Variants in RIMS2 observed in about 807,000 individuals in gnomAD.
The protein encoded by RIMS2 is regulating synaptic membrane exocytosis protein 2.
A neutral mutation model predicts 174.4 loss-of-function variants in RIMS2; 59 were observed. The ratio of observed to expected loss-of-function variants is 0.34; its 90% confidence interval spans 0.27 to 0.42. RIMS2 has a LOEUF of 0.42. RIMS2 is among the 10% of genes least tolerant of loss of function. The pLI is 1.00. For synonymous variants in RIMS2, 606 were observed against 572.5 expected, an observed-to-expected ratio of 1.06 and a Z score of -0.84; for missense variants, 1,620 against 1,666.3, an observed-to-expected ratio of 0.97 and a Z score of 0.48.
chr8:103,559,504 G>A, intron 1 of RIMS2: 1 of 265,284 alleles, frequency 3.8e-6, no homozygotes, highest in Non-Finnish European at 7.2e-6. Context: ...CTGTGAGAAG[G>A]GAGCAGGACT....
At chr8:103,618,233 A>T (rs960564638) in intron 1 of RIMS2, among the ~76,000 whole-genome samples, 2 of 152,150 alleles carry the variant, frequency 1.3e-5, no homozygotes, top group African/African-American at 4.8e-5. Context: ...CAGAAAGCCA[A>T]ATACCACATA....
intron 19 of RIMS2, 87 bp downstream of exon 22, chr8:104,041,445 T>C: frequency 1.6e-6 from 1 of 614,974 alleles, no homozygotes; most frequent in Non-Finnish European, 3.0e-6. Context: ...CATTTCATAG[T>C]TTTTCATTCC....
intron 19 of RIMS2, among the ~76,000 whole-genome samples, chr8:104,127,971 G>A (rs1464683705): frequency 2.0e-5 from 3 of 152,082 alleles, no homozygotes. Flanking sequence ...CTCAAGAATT[G>A]CTTCATCAGA....
chr8:103,853,691 G>C (rs947315824), intron 3 of RIMS2, among the ~76,000 whole-genome samples: 3 of 152,096 alleles, frequency 2.0e-5, no homozygotes, highest in Admixed American at 6.6e-5. Context: ...ACAGATGGTT[G>C]TAAGTATGAG....
chr8:103,580,042 C>A (rs1043677101), intron 1 of RIMS2, among the ~76,000 whole-genome samples: 2 of 152,142 alleles, frequency 1.3e-5, no homozygotes, highest in African/African-American at 2.4e-5. Flanking sequence ...TCCTCCAACA[C>A]TGAGAATTAC....
intron 19 of RIMS2, among the ~76,000 whole-genome samples, chr8:104,197,486 A>C (rs2099031098): frequency 6.6e-6 from 1 of 152,160 alleles, no homozygotes; most frequent in Non-Finnish European, 1.5e-5. Flanking sequence ...CAACATAAGC[A>C]ATTTTATTGG....
intron 19 of RIMS2, among the ~76,000 whole-genome samples, chr8:104,084,937 T>G (rs1333801158): frequency 6.6e-6 from 1 of 152,206 alleles, no homozygotes; most frequent in Non-Finnish European, 1.5e-5. Flanking sequence ...TTTCAGCTCT[T>G]AATCCCTTGG....
intron 2 of RIMS2, among the ~76,000 whole-genome samples, chr8:103,698,418 TG>T (rs1409524020): frequency 6.6e-6 from 1 of 152,206 alleles, no homozygotes; most frequent in Non-Finnish European, 1.5e-5. Context: ...CTGAGTTTGT[TG>T]TTGTTGTTTG....
intron 2 of RIMS2, among the ~76,000 whole-genome samples, chr8:103,749,563 A>C (rs973649626): frequency 6.6e-6 from 1 of 152,104 alleles, no homozygotes; most frequent in African/African-American, 2.4e-5. Context: ...ATGTGAAATA[A>C]GTTGTATTAG....
At chr8:103,872,707 G>C (rs1454661492) in intron 3 of RIMS2, among the ~76,000 whole-genome samples, 2 of 152,160 alleles carry the variant, frequency 1.3e-5, no homozygotes, top group African/African-American at 4.8e-5. Context: ...AAGTATGAAA[G>C]GTGTAGGCCT....
At chr8:104,215,787 ACT>A (rs2099127120) in intron 19 of RIMS2, among the ~76,000 whole-genome samples, 2 of 152,248 alleles carry the variant, frequency 1.3e-5, no homozygotes, top group Non-Finnish European at 2.9e-5. Flanking sequence ...AATTTCTTAA[ACT>A]TGGAAACCAT....
intron 1 of RIMS2, among the ~76,000 whole-genome samples, chr8:103,625,158 G>T (rs567881435): frequency 6.6e-6 from 1 of 150,494 alleles, no homozygotes; most frequent in East Asian, 1.9e-4. Flanking sequence ...AGGGGTGTTT[G>T]TTTATTTTGC....
chr8:103,592,625 G>A (rs1229086419), intron 1 of RIMS2, among the ~76,000 whole-genome samples: 2 of 151,380 alleles, frequency 1.3e-5, no homozygotes, highest in Admixed American at 6.6e-5. Context: ...CAGGATATAT[G>A]TGAAGTCAAA....
At chr8:103,623,124 A>G (rs891056387) in intron 1 of RIMS2, among the ~76,000 whole-genome samples, 1 of 152,148 alleles carries the variant, frequency 6.6e-6, no homozygotes, top group African/African-American at 2.4e-5. Flanking sequence ...AAGCAACATG[A>G]TCTCCCAATG....
chr8:104,138,975 T>A (rs2098544665), intron 19 of RIMS2, among the ~76,000 whole-genome samples: 2 of 152,198 alleles, frequency 1.3e-5, no homozygotes, highest in African/African-American at 2.4e-5. Context: ...AGTTTTATTT[T>A]TCTGCATATG....
chr8:104,158,427 TG>T (rs2098739095), intron 19 of RIMS2, among the ~76,000 whole-genome samples: 1 of 152,204 alleles, frequency 6.6e-6, no homozygotes, highest in Non-Finnish European at 1.5e-5. Flanking sequence ...ATGGGATTGC[TG>T]GGTCAAGAGG....
chr8:103,992,657 TA>T (rs2094803757), intron 17 of RIMS2, among the ~76,000 whole-genome samples: 1 of 152,202 alleles, frequency 6.6e-6, no homozygotes, highest in Middle Eastern at 3.2e-3. Flanking sequence ...ATAGGTAATG[TA>T]AAAATAATTT....
chr8:103,986,381 G>T (rs1324508572), intron 16 of RIMS2, among the ~76,000 whole-genome samples: 1 of 152,080 alleles, frequency 6.6e-6, no homozygotes, highest in East Asian at 1.9e-4. Context: ...GTAAGAAAAA[G>T]AAGTGAAAGA....
At chr8:103,725,616 T>C (rs913871998) in intron 2 of RIMS2, among the ~76,000 whole-genome samples, 2 of 152,226 alleles carry the variant, frequency 1.3e-5, no homozygotes, top group African/African-American at 4.8e-5. Flanking sequence ...TTTATCCATT[T>C]TTCTGTTGCA....
Sources: allele counts gnomAD v4.1 joint callset (sites outside exome capture counted in the v4.1 genomes callset), GRCh38; gene constraint gnomAD v4.1.1; transcripts MANE v1.5; gene names NCBI Gene and HGNC (gene_info 2026-07-23, HGNC 2026-07-21).